Variants in AKR1C8 observed in about 807,000 individuals in gnomAD.
The protein encoded by AKR1C8 is aldo-keto reductase family 1 member C8, also known as aldo-keto reductase family 1 member C-like protein 1.
the AKR1C8 span, among the ~76,000 whole-genome samples, chr10:5,167,135 C>T: frequency 1.3e-5 from 2 of 152,140 alleles, no homozygotes; most frequent in African/African-American, 4.8e-5. Flanking sequence ...CAGGAAACAA[C>T]AGGTGCTGGA....
the AKR1C8 span, among the ~76,000 whole-genome samples, chr10:5,166,208 C>A: frequency 2.0e-5 from 3 of 151,978 alleles, no homozygotes; most frequent in African/African-American, 7.3e-5. Flanking sequence ...AATGGCCATA[C>A]TGCCCAAGGT....
chr10:5,167,256 C>T, the AKR1C8 span, among the ~76,000 whole-genome samples: 88 of 152,264 alleles, frequency 5.8e-4, 1 homozygote, highest in South Asian at 0.018. Context: ...ACTAGAAATA[C>T]CATTTGACCC....
At chr10:5,138,307 GTATTAA>G in the AKR1C8 span, among the ~76,000 whole-genome samples, 1 of 152,000 alleles carries the variant, frequency 6.6e-6, no homozygotes, top group East Asian at 1.9e-4. Flanking sequence ...CCTTCCCAGG[GTATTAA>G]TATTAATATT....
the AKR1C8 span, among the ~76,000 whole-genome samples, chr10:5,166,386 T>C: frequency 6.6e-6 from 1 of 152,258 alleles, no homozygotes; most frequent in Admixed American, 6.5e-5. Flanking sequence ...GACTTCAAAC[T>C]ATACTACAAG....
the AKR1C8 span, among the ~76,000 whole-genome samples, chr10:5,124,829 T>G: frequency 1.3e-5 from 2 of 152,284 alleles, no homozygotes; most frequent in African/African-American, 4.8e-5. Flanking sequence ...AAAATTAGCA[T>G]GACTAATTGT....
the AKR1C8 span, among the ~76,000 whole-genome samples, chr10:5,124,006 T>A: frequency 1.3e-5 from 2 of 152,156 alleles, no homozygotes; most frequent in Non-Finnish European, 2.9e-5. Flanking sequence ...TTCCTAAAAG[T>A]ATACATAGAA....
the AKR1C8 span, chr10:5,132,554 C>A: frequency 7.1e-7 from 1 of 1,410,256 alleles, no homozygotes; most frequent in South Asian, 1.7e-5. Context: ...CATCTCCACA[C>A]TATCACATTA....
the AKR1C8 span, among the ~76,000 whole-genome samples, chr10:5,125,965 C>A: frequency 2.0e-5 from 3 of 152,156 alleles, no homozygotes; most frequent in South Asian, 2.1e-4. Context: ...ATGGAAGGAG[C>A]GTCACATCAA....
chr10:5,146,668 A>G, the AKR1C8 span, among the ~76,000 whole-genome samples: 1 of 152,144 alleles, frequency 6.6e-6, no homozygotes, highest in Non-Finnish European at 1.5e-5. Flanking sequence ...ATTCAAAATA[A>G]CCCACTCTAT....
At chr10:5,140,970 TAGACTTCTTTCATGAA>T in the AKR1C8 span, among the ~76,000 whole-genome samples, 1 of 152,194 alleles carries the variant, frequency 6.6e-6, no homozygotes, top group African/African-American at 2.4e-5. Flanking sequence ...GCCTCATTGA[TAGACTTCTTTCATGAA>T]AGATTTCTCT....
At chr10:5,157,916 T>C in the AKR1C8 span, 1 of 352,096 alleles carries the variant, frequency 2.8e-6, no homozygotes, top group Non-Finnish European at 5.7e-6. Context: ...CAATACAATT[T>C]GATTTAAAAC....
At chr10:5,137,721 T>G in the AKR1C8 span, among the ~76,000 whole-genome samples, 1 of 152,216 alleles carries the variant, frequency 6.6e-6, no homozygotes, top group African/African-American at 2.4e-5. Flanking sequence ...CTATTTTCCA[T>G]GAGTGTCAGC....
the AKR1C8 span, among the ~76,000 whole-genome samples, chr10:5,175,221 C>T: frequency 0.063 from 9,307 of 146,896 alleles, 353 homozygotes; most frequent in Middle Eastern, 0.085. Context: ...TGAGAATGTG[C>T]GATGTTTGGT....
At chr10:5,128,102 C>A in the AKR1C8 span, among the ~76,000 whole-genome samples, 2 of 152,122 alleles carry the variant, frequency 1.3e-5, no homozygotes, top group Non-Finnish European at 2.9e-5. Flanking sequence ...ACCTCACAAA[C>A]TAGGAGGGAT....
the AKR1C8 span, among the ~76,000 whole-genome samples, chr10:5,149,645 C>G: frequency 3.3e-5 from 5 of 152,218 alleles, no homozygotes; most frequent in East Asian, 9.7e-4. Context: ...AAAGGACAGT[C>G]TTTCCAAGGC....
the AKR1C8 span, among the ~76,000 whole-genome samples, chr10:5,149,538 G>T: frequency 6.6e-6 from 1 of 151,824 alleles, no homozygotes; most frequent in African/African-American, 2.4e-5. Flanking sequence ...TCTCTTTTTT[G>T]TGGTCTCAAA....
the AKR1C8 span, among the ~76,000 whole-genome samples, chr10:5,149,541 G>A: frequency 6.6e-6 from 1 of 151,872 alleles, no homozygotes; most frequent in African/African-American, 2.4e-5. Flanking sequence ...CTTTTTTGTG[G>A]TCTCAAAATA....
At chr10:5,141,539 C>A in the AKR1C8 span, among the ~76,000 whole-genome samples, 1 of 152,098 alleles carries the variant, frequency 6.6e-6, no homozygotes, top group Non-Finnish European at 1.5e-5. Context: ...GCAGCTGTAA[C>A]TGATTGAAAT....
the AKR1C8 span, among the ~76,000 whole-genome samples, chr10:5,126,831 C>T: frequency 1.6e-4 from 24 of 151,854 alleles, no homozygotes; most frequent in Admixed American, 1.1e-3. Flanking sequence ...AACCAAGGAA[C>T]TCATATAACT....
Sources: gnomAD v4.1 joint callset for allele counts (sites outside exome capture counted in the v4.1 genomes callset) on GRCh38, gnomAD v4.1.1 for gene constraint, MANE v1.5 for transcripts, NCBI Gene and HGNC (gene_info 2026-07-23, HGNC 2026-07-21) for gene names.